ZC3H3: variants seen among roughly 807,000 people sequenced by gnomAD.
ZC3H3 encodes the protein zinc finger CCCH domain-containing protein 3.
Under a neutral mutation model 77.3 loss-of-function variants are expected in ZC3H3, and 36 were observed. The observed-to-expected ratio is 0.47, with a 90% confidence interval of 0.36 to 0.61. The LOEUF is 0.61. Among genes scored for constraint, ZC3H3 ranks in the 20% least tolerant of loss-of-function variants. The probability of loss-of-function intolerance (pLI) is 0.00; values close to 1 mark genes in which losing one functional copy is unlikely to be tolerated. For synonymous variants in ZC3H3, 626 were observed against 555.2 expected, an observed-to-expected ratio of 1.13 and a Z score of -1.79; for missense variants, 1,331 against 1,312.2, an observed-to-expected ratio of 1.01 and a Z score of -0.22.
chr8:143,465,648 C>T (rs1318367285), intron 9 of ZC3H3, 69 bp downstream of exon 9: 2 of 1,592,910 alleles, frequency 1.3e-6, no homozygotes, highest in African/African-American at 2.7e-5. Context: ...ACGGCAGGTA[C>T]CCAGGAGTGA....
At chr8:143,477,912 C>T (rs539753640) in intron 4 of ZC3H3, among the ~76,000 whole-genome samples, 3 of 152,296 alleles carry the variant, frequency 2.0e-5, no homozygotes, top group East Asian at 1.9e-4. Flanking sequence ...GTGGTCCTCG[C>T]CCCGGAAAGG....
At position 143,536,384 on chromosome 8, in the gene ZC3H3, C is replaced by G. The variant is rs1044306999; in HGVS notation, c.1434G>C (p.Arg478=). 6.3e-7 allele frequency: 1 copy of G among 1,584,148 alleles called. No individual in the cohort carries two copies. The highest frequency in any genetic ancestry group is 1.3e-5 in the African/African-American group (1 of 74,370). Reference sequence around the variant, plus strand: ...TGCTCTTCCCCCTGAGGGCCTGTCTCCGCCGGAGGCTGAGGTGGCTCTTGG... The same window carrying G: ...TGCTCTTCCCCCTGAGGGCCTGTCTGCGCCGGAGGCTGAGGTGGCTCTTGG... ...ATAKSHLSLR[R]RQALRGKSSP... is the part of the protein sequence containing the mutation. The change falls in exon 3 of 12, where the codon CGG becomes CGC. Residue 478 remains arginine (R), a synonymous_variant. Transcript: ENST00000262577.
chr8:143,490,042 T>C (rs1438506327), intron 4 of ZC3H3, among the ~76,000 whole-genome samples: 3 of 152,122 alleles, frequency 2.0e-5, no homozygotes, highest in African/African-American at 7.2e-5. Context: ...GAAACACCCT[T>C]AGACACCCGT....
chr8:143,481,569 A>C (rs1440165195), intron 4 of ZC3H3, among the ~76,000 whole-genome samples: 1 of 152,216 alleles, frequency 6.6e-6, no homozygotes, highest in Non-Finnish European at 1.5e-5. Flanking sequence ...TGGGATTTGA[A>C]GATTTCTTCC....
chr8:143,494,828 G>A lies in ZC3H3; in HGVS notation c.1715+12918C>T, dbSNP rs918405690. Among the ~76,000 whole-genome samples, 9 of 152,200 alleles carry A rather than the reference G, an allele frequency of 5.9e-5. No homozygotes were observed. Among genetic ancestry groups the A allele is most frequent in the Non-Finnish European group, 8.8e-5 (6 of 68,036 alleles). On this transcript the variant is annotated intron_variant, in intron 4 of 11. Transcript: ENST00000262577. This position sits in a 1 kb window ranked among gnomAD's most constrained non-coding sequence, Gnocchi z 5.3. ...AGGAGCCAGAATACCGGCCACCAAC[G>A]GGCAAACGGCCTGAGCAGACCTTTC... is the stretch of plus-strand genomic sequence containing the variant.
intron 3 of ZC3H3, 92 bp from the exon 4 acceptor site, chr8:143,507,991 C>T (rs985949650): frequency 2.5e-5 from 35 of 1,374,562 alleles, no homozygotes; most frequent in South Asian, 4.8e-5. Context: ...CTCTGCCCAC[C>T]GCCTCCGCCG....
intron 4 of ZC3H3, among the ~76,000 whole-genome samples, chr8:143,503,015 C>T (rs1193002088): frequency 6.6e-6 from 1 of 152,258 alleles, no homozygotes; most frequent in Admixed American, 6.5e-5. Context: ...CGAGCCAGAG[C>T]AACAGCCCCG....
chr8:143,504,985 C>T (rs1821643698), intron 4 of ZC3H3, among the ~76,000 whole-genome samples: 1 of 152,246 alleles, frequency 6.6e-6, no homozygotes, highest in South Asian at 2.1e-4. Flanking sequence ...ATGACTTCCT[C>T]TCAGGGTGAC....
chr8:143,522,611 A>G lies in ZC3H3; in HGVS notation c.1561+13646T>C, dbSNP rs570828619. On this transcript the variant is annotated intron_variant, in intron 3 of 11. Transcript: ENST00000262577. ...GAGAGCAAGACTCTCTGTCTTAAAA[A>G]AAAACACACACACACAAATATATTG... is the stretch of plus-strand genomic sequence containing the variant. 2.9e-3 allele frequency among the ~76,000 whole-genome samples: 423 copies of G among 146,446 alleles called. 2 individuals carry two copies. The highest frequency in any genetic ancestry group is 0.01 in the African/African-American group (402 of 39,896).
intron 5 of ZC3H3, among the ~76,000 whole-genome samples, chr8:143,473,293 G>T (rs941594317): frequency 1.1e-4 from 16 of 152,100 alleles, no homozygotes; most frequent in African/African-American, 3.9e-4. Context: ...GCGGCCTCAG[G>T]ATGCTCTTGC....
chr8:143,516,588 C>CAT (rs1164428719), intron 3 of ZC3H3, among the ~76,000 whole-genome samples: 2 of 151,562 alleles, frequency 1.3e-5, no homozygotes, highest in African/African-American at 4.9e-5. Context: ...CACTCACTCT[C>CAT]ATGCACATGC....
At chr8:143,536,615 C>G (rs985677619) in intron 2 of ZC3H3, among the ~76,000 whole-genome samples, 162 bp from the exon 3 acceptor site, 4 of 152,176 alleles carry the variant, frequency 2.6e-5, no homozygotes, top group Non-Finnish European at 4.4e-5. Flanking sequence ...CATGGCGGCC[C>G]TGCCCACCCT....
chr8:143,449,132 G>A (rs1354598371), intron 9 of ZC3H3, among the ~76,000 whole-genome samples: 1 of 152,236 alleles, frequency 6.6e-6, no homozygotes, highest in African/African-American at 2.4e-5. Flanking sequence ...CCTCATGCCA[G>A]TGATGGGAGG....
Position 143,438,013 on chromosome 8 carries a change from A to C in ZC3H3, c.*43T>G. The stretch of plus-strand genomic sequence containing the variant: ...GTGGACAGAGCCTCTTTCCTCTCCA[A>C]GGATGAGGGTCTGAGGTAGGTGCAG... On this transcript the variant is annotated 3_prime_UTR_variant, in exon 12 of 12. Transcript: ENST00000262577. The C allele has an allele frequency of 6.3e-7, 1 of 1,598,778 alleles. No homozygotes were observed. Among genetic ancestry groups the C allele is most frequent in the South Asian group, 1.1e-5 (1 of 88,408 alleles).
At position 143,536,381 on chromosome 8, in the gene ZC3H3, T is replaced by G; in HGVS notation, c.1437A>C (p.Arg479Ser). Residue 479 changes from arginine (R) to serine (S), a missense_variant, in exon 3 of 12, where the codon AGA (arginine) becomes AGC (serine). Around this residue, in one of 3 missense-constraint regions of ZC3H3, gnomAD observed 978 missense variants for 915.5 expected, o/e 1.07. Coordinates refer to ENST00000262577, the MANE Select transcript of ZC3H3 (RefSeq NM_015117.3). ...GGCTGCTCTTCCCCCTGAGGGCCTG[T>G]CTCCGCCGGAGGCTGAGGTGGCTCT... Reference protein sequence around the residue: ...TAKSHLSLRRRQALRGKSSPV... With the variant: ...TAKSHLSLRRSQALRGKSSPV... The G allele has an allele frequency of 6.3e-7, 1 of 1,587,310 alleles. No homozygotes were observed. The highest frequency in any genetic ancestry group is 8.6e-7 in the Non-Finnish European group (1 of 1,166,216).
In ZC3H3 at chr8:143,495,895, C is replaced by A. The variant is rs79914842; in HGVS notation, c.1715+11851G>T. Among the ~76,000 whole-genome samples the A allele has an allele frequency of 7.2e-5, 11 of 152,218 alleles. No homozygotes were observed. The East Asian group carries it at 2.1e-3, about 29-fold the overall frequency. The stretch of plus-strand genomic sequence containing the variant: ...GTGATTACAGGTGCAAGCCACTGCG[C>A]CTGGTGATTCATTTGTTAGAACTCA... On this transcript the variant is annotated intron_variant, in intron 4 of 11. Coordinates refer to ENST00000262577, the MANE Select transcript of ZC3H3 (RefSeq NM_015117.3).
chr8:143,449,741 A>G (rs1819942411), intron 9 of ZC3H3, among the ~76,000 whole-genome samples: 1 of 21,498 alleles, frequency 4.7e-5, no homozygotes, highest in African/African-American at 2.1e-4. Context: ...AAAAAAACAA[A>G]CAAAACAAAA....
At position 143,536,424 on chromosome 8, in the gene ZC3H3, G is replaced by A. The variant is rs1452555281; in HGVS notation, c.1394C>T (p.Ser465Leu). ...SLPGDKKSGT[S>L]PAATAKSHLS... ...GTGGCTCTTGGCGGTGGCGGCAGGTGAGGTGCCGCTTTTCTTGTCTCCAGG... is the reference window on the plus strand; with the variant it reads ...GTGGCTCTTGGCGGTGGCGGCAGGTAAGGTGCCGCTTTTCTTGTCTCCAGG... The change falls in exon 3 of 12, where the codon TCA becomes TTA. Residue 465 changes from serine to leucine, a missense_variant. Around this residue, in one of 3 missense-constraint regions of ZC3H3, gnomAD observed 978 missense variants for 915.5 expected, o/e 1.07. Transcript: ENST00000262577. 3 of 1,539,464 alleles carry A rather than the reference G, an allele frequency of 1.9e-6. No homozygotes were observed. Among genetic ancestry groups the A allele is most frequent in the Non-Finnish European group, 2.6e-6 (3 of 1,139,110 alleles).
chr8:143,463,701 C>T (rs901008648), intron 9 of ZC3H3, among the ~76,000 whole-genome samples: 18 of 152,194 alleles, frequency 1.2e-4, no homozygotes, highest in Admixed American at 7.2e-4. Context: ...AGGAAAACAG[C>T]GCTGCACCAG....
Sources: gnomAD v4.1 joint callset for allele counts (sites outside exome capture counted in the v4.1 genomes callset) on GRCh38, gnomAD v4.1.1 for gene constraint, gnomAD v4.1.1 regional missense constraint, Gnocchi (gnomAD v3.1) non-coding constraint, MANE v1.5 for transcripts, NCBI Gene and HGNC (gene_info 2026-07-23, HGNC 2026-07-21) for gene names.